Variants in SLC20A2 observed in about 807,000 individuals in gnomAD.
SLC20A2 encodes the protein sodium-dependent phosphate transporter 2.
Under a neutral mutation model 61.0 loss-of-function variants are expected in SLC20A2, and 30 were observed. The observed-to-expected ratio is 0.49, with a 90% CI of 0.37 to 0.67. SLC20A2 has a LOEUF of 0.67. Ranked by LOEUF, SLC20A2 falls within the 30% of genes least tolerant of loss-of-function variation. The pLI is 0.00. For synonymous variants in SLC20A2, 351 were observed against 353.3 expected (o/e 0.99, Z 0.07); for missense variants, 626 against 866.4 (o/e 0.72, Z 3.48).
intron 1 of SLC20A2, among the ~76,000 whole-genome samples, chr8:42,482,825 A>C (rs1448482500): frequency 6.6e-6 from 1 of 152,074 alleles, no homozygotes; most frequent in Non-Finnish European, 1.5e-5. Flanking sequence ...CAGGGGTTTC[A>C]GACCAGCCTG....
At chr8:42,447,139 C>G (rs1805274707) in intron 5 of SLC20A2, among the ~76,000 whole-genome samples, 1 of 151,140 alleles carries the variant, frequency 6.6e-6, no homozygotes, top group East Asian at 2.0e-4. Flanking sequence ...GCCAGGAGTT[C>G]AAGACCATCC....
At chr8:42,529,905 A>T (rs1276131294) in intron 1 of SLC20A2, among the ~76,000 whole-genome samples, 4 of 152,262 alleles carry the variant, frequency 2.6e-5, no homozygotes, top group African/African-American at 9.6e-5. Flanking sequence ...CCTTTTGATT[A>T]TAAGTGAAAT....
At chr8:42,489,121 T>G (rs886953637) in intron 1 of SLC20A2, among the ~76,000 whole-genome samples, 7 of 152,080 alleles carry the variant, frequency 4.6e-5, no homozygotes, top group African/African-American at 1.7e-4. Context: ...GTATTTTTAG[T>G]AGAGACAGGG....
chr8:42,519,065 GT>G (rs1483037904), intron 1 of SLC20A2, among the ~76,000 whole-genome samples: 2 of 152,194 alleles, frequency 1.3e-5, no homozygotes, highest in African/African-American at 4.8e-5. Flanking sequence ...AAACTGTAAG[GT>G]GCTGAAATTT....
intron 5 of SLC20A2, among the ~76,000 whole-genome samples, chr8:42,445,604 G>A (rs1805150063): frequency 6.6e-6 from 1 of 152,178 alleles, no homozygotes; most frequent in Middle Eastern, 3.2e-3. Flanking sequence ...ACAGGCGCCT[G>A]TAATCACAGC....
chr8:42,492,260 G>A lies in SLC20A2; in HGVS notation c.-265+8771C>T, dbSNP rs182976882. On this transcript the variant is annotated intron_variant, in intron 1 of 10. Coordinates refer to ENST00000520262, the MANE Select transcript of SLC20A2 (RefSeq NM_001257180.2). The stretch of plus-strand genomic sequence containing the variant: ...AATCCCAGCTACGCAGGAGGCTGAG[G>A]CAAGAGAATTGCTTGAACCCAGGAG... Among the ~76,000 whole-genome samples, 559 of 152,294 alleles carry A rather than the reference G, an allele frequency of 3.7e-3. 2 individuals carry two copies. Among genetic ancestry groups the A allele is most frequent in the Non-Finnish European group, 5.6e-3 (380 of 68,024 alleles).
At chr8:42,517,458 T>C (rs1401715908) in intron 1 of SLC20A2, among the ~76,000 whole-genome samples, 2 of 152,262 alleles carry the variant, frequency 1.3e-5, no homozygotes, top group South Asian at 2.1e-4. Flanking sequence ...ACAGGTTTTT[T>C]AGGCTTAGTA....
At chr8:42,500,488 A>G (rs761937984) in intron 1 of SLC20A2, among the ~76,000 whole-genome samples, 4 of 152,170 alleles carry the variant, frequency 2.6e-5, no homozygotes, top group Non-Finnish European at 5.9e-5. Flanking sequence ...TCCTAAATTA[A>G]TTTTTTAAAG....
intron 5 of SLC20A2, among the ~76,000 whole-genome samples, chr8:42,455,267 G>A (rs199914167): frequency 1.8e-5 from 2 of 111,714 alleles, no homozygotes; most frequent in South Asian, 5.2e-4. Flanking sequence ...TAGAGAGAGA[G>A]AGAGAGAGAG....
intron 1 of SLC20A2, among the ~76,000 whole-genome samples, chr8:42,507,586 A>C (rs1227700786): frequency 6.6e-6 from 1 of 152,214 alleles, no homozygotes; most frequent in Non-Finnish European, 1.5e-5. Flanking sequence ...ACTGCTCTAC[A>C]TTCAGAACAG....
chr8:42,490,864 A>T (rs1809456331), intron 1 of SLC20A2, among the ~76,000 whole-genome samples: 1 of 152,088 alleles, frequency 6.6e-6, no homozygotes, highest in Non-Finnish European at 1.5e-5. Flanking sequence ...CTTTAATTTC[A>T]AGTCAGGTCT....
intron 10 of SLC20A2, among the ~76,000 whole-genome samples, chr8:42,421,111 T>TCTCATATTCA (rs1489634750): frequency 6.6e-6 from 1 of 152,246 alleles, no homozygotes; most frequent in Non-Finnish European, 1.5e-5. Context: ...GCACATTACG[T>TCTCATATTCA]CTCATATTCA....
At chr8:42,493,685 T>A (rs1477443179) in intron 1 of SLC20A2, among the ~76,000 whole-genome samples, 1 of 152,204 alleles carries the variant, frequency 6.6e-6, no homozygotes, top group Non-Finnish European at 1.5e-5. Flanking sequence ...TTTGTTAAGA[T>A]CCAGTGTGGT....
chr8:42,450,231 G>A (rs985823776), intron 5 of SLC20A2, among the ~76,000 whole-genome samples: 2 of 149,562 alleles, frequency 1.3e-5, no homozygotes, highest in African/African-American at 2.5e-5. Context: ...TTTTTCGTTC[G>A]TTCTTTTTTT....
At chr8:42,497,612 G>A (rs1255241205) in intron 1 of SLC20A2, among the ~76,000 whole-genome samples, 1 of 151,954 alleles carries the variant, frequency 6.6e-6, no homozygotes, top group Non-Finnish European at 1.5e-5. Context: ...TATACTTGAA[G>A]AACAATTCAA....
At chr8:42,489,088 T>C (rs777267105) in intron 1 of SLC20A2, among the ~76,000 whole-genome samples, 1 of 151,982 alleles carries the variant, frequency 6.6e-6, no homozygotes, top group Non-Finnish European at 1.5e-5. Context: ...TACAGATGCC[T>C]GCTACCACGC....
At chr8:42,467,708 G>A (rs899710285) in intron 2 of SLC20A2, among the ~76,000 whole-genome samples, 3 of 152,260 alleles carry the variant, frequency 2.0e-5, no homozygotes, top group East Asian at 1.9e-4. Flanking sequence ...TCCTTAAGGC[G>A]TGCGTTGGGA....
Position 42,461,376 on chromosome 8 carries a change from T to A in SLC20A2, c.517-1384A>T, listed in dbSNP as rs995607058. ...CTTAGGGACATTGCTAAAGAGAGAT[T>A]CCCAACCAATAACTTCTGCAGGTGG... On this transcript the variant is annotated intron_variant, in intron 4 of 10. Coordinates refer to ENST00000520262, the MANE Select transcript of SLC20A2 (RefSeq NM_001257180.2). 2.6e-5 allele frequency among the ~76,000 whole-genome samples: 4 copies of A among 152,140 alleles called. No individual in the cohort carries two copies. The South Asian group carries it at 8.3e-4, about 31-fold the overall frequency.
At chr8:42,468,607 A>G (rs1263726991) in intron 2 of SLC20A2, among the ~76,000 whole-genome samples, 3 of 152,188 alleles carry the variant, frequency 2.0e-5, no homozygotes, top group Admixed American at 6.5e-5. Flanking sequence ...CTGACAGAGG[A>G]AAGAGATGAA....
Sources: gnomAD v4.1 joint callset for allele counts (sites outside exome capture counted in the v4.1 genomes callset) on GRCh38, gnomAD v4.1.1 for gene constraint, MANE v1.5 for transcripts, NCBI Gene and HGNC (gene_info 2026-07-23, HGNC 2026-07-21) for gene names.